SPECC1L: variants seen among roughly 807,000 people sequenced by gnomAD.
SPECC1L encodes sperm antigen with calponin homology and coiled-coil domains 1 like.
A neutral mutation model predicts 116.8 loss-of-function variants in SPECC1L; 40 were observed. The ratio of observed to expected loss-of-function variants is 0.34; its 90% confidence interval spans 0.27 to 0.45. SPECC1L has a LOEUF of 0.45. Among genes scored for constraint, SPECC1L ranks in the 20% least tolerant of loss-of-function variants. SPECC1L has a pLI of 1.00. For synonymous variants in SPECC1L, 504 were observed against 500.6 expected (o/e 1.01, Z -0.09); for missense variants, 1,110 against 1,373.6 (o/e 0.81, Z 3.03).
At chr22:24,389,518 GTTTT>G (rs758077260) in intron 14 of SPECC1L, among the ~76,000 whole-genome samples, 2 of 138,886 alleles carry the variant, frequency 1.4e-5, no homozygotes, top group Admixed American at 7.2e-5. Flanking sequence ...GGGCTTTCGG[GTTTT>G]TTTTTTTTTT....
chr22:24,395,672 C>G (rs1356485689), intron 14 of SPECC1L, among the ~76,000 whole-genome samples: 2 of 152,188 alleles, frequency 1.3e-5, no homozygotes, highest in African/African-American at 2.4e-5. Context: ...GAATCTTGCT[C>G]TGTCTCCCAG....
chr22:24,395,266 C>G (rs937985628), intron 14 of SPECC1L, among the ~76,000 whole-genome samples: 5 of 152,146 alleles, frequency 3.3e-5, no homozygotes, highest in African/African-American at 1.2e-4. Flanking sequence ...ATTTTTTATA[C>G]ATTTTGGTCT....
chr22:24,399,191 A>T (rs1219277638), intron 14 of SPECC1L, among the ~76,000 whole-genome samples: 2 of 152,172 alleles, frequency 1.3e-5, no homozygotes, highest in African/African-American at 4.8e-5. Context: ...GTTTATGGGG[A>T]CATTAATCCC....
At chr22:24,397,322 C>T (rs564783595) in intron 14 of SPECC1L, among the ~76,000 whole-genome samples, 17 of 152,300 alleles carry the variant, frequency 1.1e-4, no homozygotes, top group African/African-American at 3.1e-4. Context: ...ATATCATTTC[C>T]TTCCTAAGCT....
chr22:24,300,468 C>T (rs889994900), intron 2 of SPECC1L, among the ~76,000 whole-genome samples: 5 of 152,090 alleles, frequency 3.3e-5, no homozygotes, highest in African/African-American at 1.2e-4. Flanking sequence ...TATAGTGGAA[C>T]GATTTGTATT....
At chr22:24,311,557 C>A (rs758365748) in intron 3 of SPECC1L, among the ~76,000 whole-genome samples, 26 of 152,066 alleles carry the variant, frequency 1.7e-4, no homozygotes, top group Non-Finnish European at 3.2e-4. Flanking sequence ...GTAATCCCAG[C>A]AGTTTGGGAG....
intron 3 of SPECC1L, chr22:24,304,440 ACTG>A (rs1249565676): frequency 6.6e-6 from 1 of 152,232 alleles, no homozygotes; most frequent in African/African-American, 2.4e-5. Context: ...ACAAAACACT[ACTG>A]CTGCTCACAG....
rs138757564 is a variant in SPECC1L, at chr22:24,369,411, A to G, written c.3087+91A>G. 1.8e-3 allele frequency: 1,720 copies of G among 931,226 alleles called. 25 individuals are homozygous for G. Among genetic ancestry groups the G allele is most frequent in the Non-Finnish European group, 2.9e-4 (164 of 564,548 alleles). 57.7% of individuals were successfully genotyped at this position (931,226 alleles called of 1,614,324 possible). A position where few individuals can be genotyped will look rare whatever the true frequency, so the allele number is the denominator to read the frequency against. On this transcript the variant is annotated intron_variant, in intron 14 of 16. Coordinates refer to ENST00000314328, the MANE Select transcript of SPECC1L (RefSeq NM_015330.6). ...TACTACGTGTCACACATTAGAAATG[A>G]TAAGTCCTGACCTGGCATGGTGGAT...
chr22:24,397,442 T>C (rs182967217), intron 14 of SPECC1L, among the ~76,000 whole-genome samples: 47 of 152,292 alleles, frequency 3.1e-4, no homozygotes, highest in African/African-American at 1.1e-3. Flanking sequence ...GGAAGTGTTG[T>C]GCCAGGGAAG....
At chr22:24,385,512 C>A (rs912204485) in intron 14 of SPECC1L, among the ~76,000 whole-genome samples, 1 of 152,264 alleles carries the variant, frequency 6.6e-6, no homozygotes, top group Non-Finnish European at 1.5e-5. Flanking sequence ...AAAAGATGTC[C>A]TATGCGAGCA....
intron 3 of SPECC1L, among the ~76,000 whole-genome samples, chr22:24,305,780 T>G (rs949997639): frequency 6.6e-6 from 1 of 152,206 alleles, no homozygotes; most frequent in Admixed American, 6.5e-5. Flanking sequence ...TGGTTACCAG[T>G]TTACACTCCT....
At chr22:24,349,062 A>G (rs2041364263) in intron 11 of SPECC1L, among the ~76,000 whole-genome samples, 1 of 149,940 alleles carries the variant, frequency 6.7e-6, no homozygotes. Flanking sequence ...TTTTTTTGAG[A>G]CAGAGTCTCA....
At chr22:24,341,284 C>G (rs145741519) in intron 10 of SPECC1L, among the ~76,000 whole-genome samples, 2 of 152,194 alleles carry the variant, frequency 1.3e-5, no homozygotes, top group Non-Finnish European at 2.9e-5. Context: ...TGAAACCCCA[C>G]AAGGATAATT....
intron 11 of SPECC1L, among the ~76,000 whole-genome samples, chr22:24,349,402 C>CT (rs750681277): frequency 5.3e-5 from 8 of 152,178 alleles, no homozygotes; most frequent in Non-Finnish European, 1.2e-4. Context: ...AACACAGGGC[C>CT]TTTGTTCTTT....
At chr22:24,300,904 G>C (rs1330151057) in intron 2 of SPECC1L, among the ~76,000 whole-genome samples, 1 of 152,130 alleles carries the variant, frequency 6.6e-6, no homozygotes, top group African/African-American at 2.4e-5. Context: ...TGGGAAAACT[G>C]GGTAGCTGTA....
At position 24,288,615 on chromosome 22, in the gene SPECC1L, C is replaced by CTTTTTTTTTTTTTTTTTT. The variant is rs756714389; in HGVS notation, c.-38+11824_-38+11841dup. ...GACTTCTCAAATCCAAAATTTTAAG[C>CTTTTTTTTTTTTTTTTTT]TTTTTTTTTTTTTTTTTTTTTTTTT... On this transcript the variant is annotated intron_variant, in intron 2 of 16. Coordinates refer to ENST00000314328, the MANE Select transcript of SPECC1L (RefSeq NM_015330.6). 8.1e-5 allele frequency among the ~76,000 whole-genome samples: 5 copies of CTTTTTTTTTTTTTTTTTT among 61,678 alleles called. 1 individual carries two copies. The highest frequency in any genetic ancestry group is 6.6e-4 in the South Asian group (1 of 1,514). 40.5% of individuals were successfully genotyped at this position (61,678 alleles called of 152,430 possible).
chr22:24,333,881 AACTT>A (rs1349628704), intron 8 of SPECC1L, among the ~76,000 whole-genome samples: 2 of 152,052 alleles, frequency 1.3e-5, no homozygotes, highest in Non-Finnish European at 2.9e-5. Context: ...ATGGTTGCTT[AACTT>A]ACTTAGGATA....
At position 24,377,333 on chromosome 22, in the gene SPECC1L, G is replaced by A. The variant is rs371966903; in HGVS notation, c.3087+8013G>A. Among the ~76,000 whole-genome samples, 6 of 151,970 alleles carry A rather than the reference G, an allele frequency of 3.9e-5. No homozygotes were observed. In the East Asian group the frequency reaches 9.7e-4, roughly 24 times the overall value. On this transcript the variant is annotated intron_variant, in intron 14 of 16. Coordinates refer to ENST00000314328, the MANE Select transcript of SPECC1L (RefSeq NM_015330.6). ...TAAGAACTTTTTTTTTTCGACATGA[G>A]GTCTCACTATGTTTCCCAGGCTGGT...
chr22:24,375,145 G>C (rs2041947436), intron 14 of SPECC1L, among the ~76,000 whole-genome samples: 1 of 152,142 alleles, frequency 6.6e-6, no homozygotes, highest in Non-Finnish European at 1.5e-5. Flanking sequence ...AGAACATCTG[G>C]AGAGACAAAT....
Sources: gnomAD v4.1 joint callset for allele counts (sites outside exome capture counted in the v4.1 genomes callset) on GRCh38, gnomAD v4.1.1 for gene constraint, MANE v1.5 for transcripts, NCBI Gene and HGNC (gene_info 2026-07-23, HGNC 2026-07-21) for gene names.